Variants in CNTNAP2 observed in about 807,000 individuals in gnomAD.
CNTNAP2 encodes the protein contactin-associated protein-like 2.
Under a neutral mutation model 155.2 loss-of-function variants are expected in CNTNAP2, and 98 were observed. The observed-to-expected ratio is 0.63, with a 90% confidence interval of 0.54 to 0.75. The LOEUF is 0.75. Among genes scored for constraint, CNTNAP2 ranks in the 30% least tolerant of loss-of-function variants. The probability of loss-of-function intolerance (pLI) is 0.00; values close to 1 mark genes in which losing one functional copy is unlikely to be tolerated. For synonymous variants in CNTNAP2, 651 were observed against 631.2 expected, an observed-to-expected ratio of 1.03 and a Z score of -0.47; for missense variants, 1,727 against 1,688.1, an observed-to-expected ratio of 1.02 and a Z score of -0.40.
intron 8 of CNTNAP2, among the ~76,000 whole-genome samples, chr7:147,273,811 C>T (rs1371063721): frequency 6.9e-6 from 1 of 144,106 alleles, no homozygotes; most frequent in Non-Finnish European, 1.5e-5. Context: ...TATATCTATA[C>T]ATATATATTT....
At chr7:146,440,608 T>G (rs1796307413) in intron 1 of CNTNAP2, among the ~76,000 whole-genome samples, 1 of 151,496 alleles carries the variant, frequency 6.6e-6, no homozygotes, top group African/African-American at 2.5e-5. Flanking sequence ...ATCAGACTCT[T>G]GAGAATTTCA....
chr7:147,161,718 T>C (rs181243904), intron 8 of CNTNAP2: 1 of 152,186 alleles, frequency 6.6e-6, no homozygotes, highest in Non-Finnish European at 1.5e-5. Flanking sequence ...TTAATTTTGC[T>C]TCACTCAAAA....
At chr7:147,029,415 A>T (rs1050803083) in intron 3 of CNTNAP2, among the ~76,000 whole-genome samples, 21 of 152,232 alleles carry the variant, frequency 1.4e-4, no homozygotes, top group African/African-American at 5.1e-4. Context: ...AACAGCAACG[A>T]ACAAATTGCT....
In CNTNAP2 at chr7:146,293,831, G is replaced by T. The variant is rs1800470162; in HGVS notation, c.97+176858G>T. ...AAAATAATTTCTAAATAATTTAAAA[G>T]GTAAAAAATATCAACATGGAGACCT... On this transcript the variant is annotated intron_variant, in intron 1 of 23. Coordinates refer to ENST00000361727, the MANE Select transcript of CNTNAP2 (RefSeq NM_014141.6). Among the ~76,000 whole-genome samples the T allele has an allele frequency of 1.3e-5, 2 of 151,822 alleles. 1 individual carries two copies. The highest frequency in any genetic ancestry group is 4.1e-4 in the South Asian group (2 of 4,820).
intron 1 of CNTNAP2, among the ~76,000 whole-genome samples, chr7:146,422,359 GTA>G (rs971506491): frequency 1.6e-4 from 23 of 148,142 alleles, no homozygotes; most frequent in East Asian, 3.9e-4. Flanking sequence ...GTATATATAT[GTA>G]TATATATATA....
At chr7:148,194,027 G>A (rs1205259045) in intron 18 of CNTNAP2, among the ~76,000 whole-genome samples, 5 of 151,284 alleles carry the variant, frequency 3.3e-5, no homozygotes, top group Non-Finnish European at 5.9e-5. Context: ...CTGCAGTGCA[G>A]TGGCGCAATC....
intron 1 of CNTNAP2, among the ~76,000 whole-genome samples, chr7:146,571,944 C>T (rs575023952): frequency 1.3e-5 from 2 of 152,072 alleles, no homozygotes; most frequent in Non-Finnish European, 2.9e-5. Context: ...TTTTGGCCAT[C>T]CCGACCTCAG....
intron 3 of CNTNAP2, among the ~76,000 whole-genome samples, chr7:146,875,861 C>T (rs1039422425): frequency 5.6e-5 from 7 of 125,486 alleles, no homozygotes; most frequent in African/African-American, 1.8e-4. Flanking sequence ...GCCTAGACAA[C>T]ATAGGGAGAC....
intron 1 of CNTNAP2, among the ~76,000 whole-genome samples, chr7:146,728,682 A>C (rs2129178956): frequency 6.6e-6 from 1 of 151,920 alleles, no homozygotes; most frequent in Non-Finnish European, 1.5e-5. Flanking sequence ...ATTAACTAGT[A>C]GAAAAAAAGC....
chr7:146,425,888 T>TA (rs1025634981), intron 1 of CNTNAP2, among the ~76,000 whole-genome samples: 2 of 151,482 alleles, frequency 1.3e-5, no homozygotes, highest in South Asian at 2.1e-4. Flanking sequence ...AATTAAAAGT[T>TA]AAAAAAACAA....
At chr7:146,179,861 G>T (rs1235322706) in intron 1 of CNTNAP2, among the ~76,000 whole-genome samples, 1 of 152,146 alleles carries the variant, frequency 6.6e-6, no homozygotes, top group African/African-American at 2.4e-5. Context: ...ACGAAGAAGA[G>T]ATAAAAAATA....
At chr7:146,293,515 A>G (rs1219426664) in intron 1 of CNTNAP2, among the ~76,000 whole-genome samples, 5 of 152,204 alleles carry the variant, frequency 3.3e-5, no homozygotes, top group Non-Finnish European at 7.3e-5. Context: ...GAAACAATAT[A>G]CACTATTATA....
At chr7:146,347,054 T>C (rs908126755) in intron 1 of CNTNAP2, among the ~76,000 whole-genome samples, 2 of 149,434 alleles carry the variant, frequency 1.3e-5, no homozygotes, top group African/African-American at 2.5e-5. Flanking sequence ...AATGTTCCTA[T>C]AGTTCGTAAG....
At chr7:146,900,389 C>G (rs1795969180) in intron 3 of CNTNAP2, among the ~76,000 whole-genome samples, 1 of 152,248 alleles carries the variant, frequency 6.6e-6, no homozygotes, top group Non-Finnish European at 1.5e-5. Flanking sequence ...TCCTGACCAT[C>G]TGCAAGTCAA....
chr7:146,881,895 C>A (rs907634279), intron 3 of CNTNAP2, among the ~76,000 whole-genome samples: 2 of 151,512 alleles, frequency 1.3e-5, no homozygotes, highest in African/African-American at 4.9e-5. Flanking sequence ...GTTTGAAGCA[C>A]AAATATATTC....
At chr7:147,213,955 C>A (rs1483539471) in intron 8 of CNTNAP2, among the ~76,000 whole-genome samples, 1 of 152,068 alleles carries the variant, frequency 6.6e-6, no homozygotes, top group African/African-American at 2.4e-5. Context: ...TTGTGCTTAT[C>A]CTCGTCCTCA....
In CNTNAP2 at chr7:147,983,515, A is replaced by G. The variant is rs189495490; in HGVS notation, c.2383+5526A>G. Among the ~76,000 whole-genome samples, 26 of 152,342 alleles carry G rather than the reference A, an allele frequency of 1.7e-4. No individual in the cohort carries two copies. In the East Asian group the frequency reaches 5.0e-3, roughly 29 times the overall value. On this transcript the variant is annotated intron_variant, in intron 15 of 23. Coordinates refer to ENST00000361727, the MANE Select transcript of CNTNAP2 (RefSeq NM_014141.6). The stretch of plus-strand genomic sequence containing the variant: ...AAGAGGTTTATTTAAGCCAAAGATG[A>G]GTGGCCATGGCCCAAGGTACAGGCT...
rs796710849 is a variant in CNTNAP2 at position 147,919,459 on chromosome 7, C to CT, written c.2255+15755dup. ...CACCATGTCTGGCTACTTTTTCTTT[C>CT]TTTTTTTTTTTTTTTTTGAGACAGA... On this transcript the variant is annotated intron_variant, in intron 14 of 23. Transcript: ENST00000361727. Among the ~76,000 whole-genome samples, 214 of 51,278 alleles carry CT rather than the reference C, an allele frequency of 4.2e-3. 9 individuals are homozygous for CT. Among genetic ancestry groups the CT allele is most frequent in the South Asian group, 0.018 (31 of 1,768 alleles). The allele number at this position is 51,278 out of a possible 152,430, so 33.6% of individuals were successfully genotyped here.
intron 1 of CNTNAP2, among the ~76,000 whole-genome samples, chr7:146,515,854 A>C (rs1036560179): frequency 7.2e-5 from 11 of 152,034 alleles, no homozygotes; most frequent in Non-Finnish European, 1.3e-4. Context: ...GTGAAATCCT[A>C]TGATCACTTT....
Sources: gnomAD v4.1 joint callset for allele counts (sites outside exome capture counted in the v4.1 genomes callset) on GRCh38, gnomAD v4.1.1 for gene constraint, MANE v1.5 for transcripts, NCBI Gene and HGNC (gene_info 2026-07-23, HGNC 2026-07-21) for gene names.